Variants in PARD3 observed in about 807,000 individuals in gnomAD.
The protein encoded by PARD3 is par-3 family cell polarity regulator.
PARD3 carries 75 observed loss-of-function variants against 155.4 expected under a neutral mutation model. The observed-to-expected ratio is 0.48, with a 90% CI of 0.40 to 0.58. The LOEUF is 0.58. Ranked by LOEUF, PARD3 falls within the 20% of genes least tolerant of loss-of-function variation. The probability of loss-of-function intolerance (pLI) is 0.00; values close to 1 mark genes in which losing one functional copy is unlikely to be tolerated. For missense variants in PARD3, 1,642 were observed against 1,721.7 expected, an observed-to-expected ratio of 0.95 and a Z score of 0.82; for synonymous variants, 576 against 610.5, an observed-to-expected ratio of 0.94 and a Z score of 0.83.
intron 22 of PARD3, among the ~76,000 whole-genome samples, chr10:34,250,757 T>C (rs1954260286): frequency 7.8e-6 from 1 of 127,766 alleles, no homozygotes; most frequent in Non-Finnish European, 1.9e-5. Context: ...ACATAGAACT[T>C]ATTTTAATTA....
intron 1 of PARD3, among the ~76,000 whole-genome samples, chr10:34,725,342 G>A (rs1481543833): frequency 6.6e-6 from 1 of 152,032 alleles, no homozygotes; most frequent in Non-Finnish European, 1.5e-5. Context: ...TAGTAGAGAT[G>A]GGGTTTCACC....
intron 22 of PARD3, among the ~76,000 whole-genome samples, chr10:34,241,324 T>C (rs1220038289): frequency 6.6e-6 from 1 of 152,056 alleles, no homozygotes; most frequent in Non-Finnish European, 1.5e-5. Flanking sequence ...AGCCTAGGAC[T>C]CTACATTTGG....
At chr10:34,634,020 T>C (rs1301081568) in intron 2 of PARD3, among the ~76,000 whole-genome samples, 1 of 152,206 alleles carries the variant, frequency 6.6e-6, no homozygotes, top group African/African-American at 2.4e-5. Context: ...CTGAGTCCTC[T>C]GACCTGTCCC....
At position 34,362,423 on chromosome 10, in the gene PARD3, T is replaced by C. The variant is rs78928296; in HGVS notation, c.1708-2164A>G. ...ACTTTGATACAAAAGTATCTTTATA[T>C]ACATGCTTTGCTCTATAAACATGAA... is the stretch of plus-strand genomic sequence containing the variant. On this transcript the variant is annotated intron_variant, in intron 12 of 24. Transcript: ENST00000374788. 5.6e-3 allele frequency among the ~76,000 whole-genome samples: 854 copies of C among 152,372 alleles called. 6 individuals are homozygous for C. The highest frequency in any genetic ancestry group is 0.019 in the African/African-American group (805 of 41,596).
intron 1 of PARD3, among the ~76,000 whole-genome samples, chr10:34,765,001 C>G (rs1324543339): frequency 6.6e-6 from 1 of 152,132 alleles, no homozygotes; most frequent in African/African-American, 2.4e-5. Context: ...TTCTCAGTGC[C>G]ACCCACAGCA....
intron 22 of PARD3, among the ~76,000 whole-genome samples, chr10:34,214,605 C>T (rs946613647): frequency 4.0e-5 from 6 of 151,894 alleles, no homozygotes; most frequent in Admixed American, 3.9e-4. Flanking sequence ...CTGCTTGAGG[C>T]CAAAAGTTTA....
intron 1 of PARD3, among the ~76,000 whole-genome samples, chr10:34,701,333 A>ATGT (rs34806804): frequency 0.15 from 22,622 of 149,718 alleles, 1,722 homozygotes; most frequent in East Asian, 0.17. Flanking sequence ...ACACGCGGGG[A>ATGT]TGTTGTTGTT....
intron 19 of PARD3, among the ~76,000 whole-genome samples, chr10:34,325,982 A>C (rs941153721): frequency 6.6e-6 from 1 of 152,030 alleles, no homozygotes; most frequent in Non-Finnish European, 1.5e-5. Flanking sequence ...TCACTTGGGC[A>C]TGGTGGCACA....
At chr10:34,222,456 C>T (rs1478420717) in intron 22 of PARD3, among the ~76,000 whole-genome samples, 1 of 152,228 alleles carries the variant, frequency 6.6e-6, no homozygotes, top group Admixed American at 6.5e-5. Context: ...CCTTCAAGAT[C>T]TAGGAACCTT....
intron 22 of PARD3, among the ~76,000 whole-genome samples, chr10:34,135,333 G>A (rs536607245): frequency 7.2e-5 from 11 of 152,192 alleles, no homozygotes; most frequent in Non-Finnish European, 1.3e-4. Flanking sequence ...TAAATGAAGA[G>A]GGTTTGCTTT....
chr10:34,462,201 C>T (rs1054628921), intron 4 of PARD3, among the ~76,000 whole-genome samples: 1 of 152,202 alleles, frequency 6.6e-6, no homozygotes, highest in African/African-American at 2.4e-5. Context: ...TCCCTTGAAA[C>T]TAATGCCGCA....
At chr10:34,536,993 C>A (rs920082098) in intron 2 of PARD3, among the ~76,000 whole-genome samples, 3 of 152,140 alleles carry the variant, frequency 2.0e-5, no homozygotes, top group Non-Finnish European at 4.4e-5. Flanking sequence ...TAACAGGAAG[C>A]AACTTCTAAG....
chr10:34,416,592 T>C (rs1269646487), intron 5 of PARD3, among the ~76,000 whole-genome samples: 1 of 152,138 alleles, frequency 6.6e-6, no homozygotes, highest in East Asian at 1.9e-4. Flanking sequence ...AGTCCCTGAC[T>C]CTAGTGTTTA....
chr10:34,496,837 A>G (rs1005018118), intron 3 of PARD3, among the ~76,000 whole-genome samples: 10 of 152,376 alleles, frequency 6.6e-5, no homozygotes, highest in Admixed American at 1.3e-4. Flanking sequence ...TAATAACACT[A>G]TTACATATAG....
In PARD3 at chr10:34,605,547, ATATATATATCTCC is replaced by A. The variant is rs1334512094; in HGVS notation, c.223-88401_223-88389del. 9.5e-3 allele frequency among the ~76,000 whole-genome samples: 785 copies of A among 82,910 alleles called. 133 individuals carry two copies. The highest frequency in any genetic ancestry group is 0.02 in the Middle Eastern group (3 of 150). The allele number at this position is 82,910 out of a possible 152,430, so 54.4% of individuals were successfully genotyped here. On this transcript the variant is annotated intron_variant, in intron 2 of 24. Transcript: ENST00000374788. ...TCCTATATATATCTCCTATATATAT[ATATATATATCTCC>A]TATATATATATATATCTCCTATATA...
chr10:34,647,072 C>T (rs748834015), intron 2 of PARD3, among the ~76,000 whole-genome samples: 2 of 152,178 alleles, frequency 1.3e-5, no homozygotes, highest in African/African-American at 2.4e-5. Context: ...ATTAACTACT[C>T]ATTCATTCTG....
intron 2 of PARD3, among the ~76,000 whole-genome samples, chr10:34,643,884 T>G (rs1438786613): frequency 6.6e-6 from 1 of 152,134 alleles, no homozygotes; most frequent in South Asian, 2.1e-4. Context: ...ACCACTGCAC[T>G]CTACCCTGGG....
chr10:34,342,026 C>CTA (rs1272553286), intron 15 of PARD3, among the ~76,000 whole-genome samples: 7 of 152,160 alleles, frequency 4.6e-5, no homozygotes, highest in Non-Finnish European at 1.0e-4. Flanking sequence ...GACGCTACAA[C>CTA]TATATAGCTC....
intron 1 of PARD3, among the ~76,000 whole-genome samples, chr10:34,716,585 CTTTTTTTTTTTTT>C (rs34751073): frequency 1.4e-5 from 1 of 73,246 alleles, no homozygotes; most frequent in African/African-American, 4.8e-5. Flanking sequence ...GATGGCTTTT[CTTTTTTTTTTTTT>C]TTTTTTTTTT....
Sources: allele counts gnomAD v4.1 joint callset (sites outside exome capture counted in the v4.1 genomes callset), GRCh38; gene constraint gnomAD v4.1.1; transcripts MANE v1.5; gene names NCBI Gene and HGNC (gene_info 2026-07-23, HGNC 2026-07-21).